SNRK: variants seen among roughly 807,000 people sequenced by gnomAD.
SNRK encodes SNF-related serine/threonine-protein kinase.
SNRK carries 3 observed loss-of-function variants against 48.2 expected under a neutral mutation model. The observed-to-expected ratio is 0.06, with a 90% CI of 0.03 to 0.16. SNRK has a LOEUF of 0.16. SNRK is among the 10% of genes least tolerant of loss of function. The pLI, the probability that SNRK is intolerant of heterozygous loss-of-function variation, is 1.00. For synonymous variants in SNRK, 376 were observed against 366.1 expected (o/e 1.03, Z -0.31); for missense variants, 627 against 976.0 (o/e 0.64, Z 4.76).
chr3:43,316,975 G>A (rs530796238), intron 3 of SNRK, among the ~76,000 whole-genome samples: 52 of 152,014 alleles, frequency 3.4e-4, no homozygotes, highest in African/African-American at 1.3e-3. Flanking sequence ...GTTTTCTAAG[G>A]GCTCTTAGTG....
intron 2 of SNRK, among the ~76,000 whole-genome samples, chr3:43,302,580 A>G (rs1055276214): frequency 6.6e-6 from 1 of 151,860 alleles, no homozygotes; most frequent in African/African-American, 2.4e-5. Flanking sequence ...TGCTCTGGGG[A>G]TATTGAGGAG....
chr3:43,312,336 A>G (rs2090984521), intron 3 of SNRK, among the ~76,000 whole-genome samples: 1 of 152,358 alleles, frequency 6.6e-6, no homozygotes, highest in Admixed American at 6.5e-5. Flanking sequence ...GCAGTTCAGC[A>G]TTTAATGGAA....
chr3:43,338,859 T>C (rs778286143), intron 4 of SNRK, among the ~76,000 whole-genome samples: 14 of 152,218 alleles, frequency 9.2e-5, no homozygotes. Flanking sequence ...ATTTATAGTA[T>C]AAAGTATCAT....
At chr3:43,326,738 T>A (rs1475160069) in intron 3 of SNRK, among the ~76,000 whole-genome samples, 3 of 151,996 alleles carry the variant, frequency 2.0e-5, no homozygotes, top group African/African-American at 7.2e-5. Flanking sequence ...CCAGGGTAGA[T>A]GGGGAGAAAT....
intron 2 of SNRK, among the ~76,000 whole-genome samples, chr3:43,301,173 T>C (rs2090895215): frequency 6.6e-6 from 1 of 152,244 alleles, no homozygotes; most frequent in Non-Finnish European, 1.5e-5. Flanking sequence ...AGTAAACATA[T>C]TAACATTGAC....
chr3:43,330,309 G>A (rs1371686834), intron 3 of SNRK, among the ~76,000 whole-genome samples: 1 of 152,084 alleles, frequency 6.6e-6, no homozygotes, highest in African/African-American at 2.4e-5. Context: ...AACTTGGTAG[G>A]TTTCCCTCCT....
intron 3 of SNRK, among the ~76,000 whole-genome samples, chr3:43,305,728 A>T (rs937053691): frequency 1.3e-5 from 2 of 151,308 alleles, no homozygotes; most frequent in African/African-American, 4.9e-5. Flanking sequence ...CTCGTGATCC[A>T]CCCGCCTCAG....
At chr3:43,314,638 A>G (rs1180663764) in intron 3 of SNRK, among the ~76,000 whole-genome samples, 2 of 152,192 alleles carry the variant, frequency 1.3e-5, no homozygotes, top group Non-Finnish European at 2.9e-5. Flanking sequence ...TTATAGCATT[A>G]AGTATAATGT....
Position 43,347,209 on chromosome 3 carries a change from GGTTT to G in SNRK, c.1080-128_1080-125del. ...GCTGATGTTTACAGGATGTTGAATG[GGTTT>G]GCAAGGCTGCTGCTTTTTTCTTTAA... On this transcript the variant is annotated intron_variant, in intron 6 of 6. Coordinates refer to ENST00000296088, the MANE Select transcript of SNRK (RefSeq NM_017719.5). This position sits in a 1 kb window ranked among gnomAD's most constrained non-coding sequence, Gnocchi z 5.4. 4 of 974,930 alleles carry G rather than the reference GGTTT, an allele frequency of 4.1e-6. No homozygotes were observed. In the Admixed American group the frequency reaches 1.1e-4, roughly 26 times the overall value. The allele number at this position is 974,930 out of a possible 1,614,324, so 60.4% of individuals were successfully genotyped here. A position where few individuals can be genotyped will look rare whatever the true frequency, so the allele number is the denominator to read the frequency against.
At chr3:43,301,240 A>G (rs1300814989) in intron 2 of SNRK, among the ~76,000 whole-genome samples, 3 of 152,206 alleles carry the variant, frequency 2.0e-5, no homozygotes, top group East Asian at 3.8e-4. Context: ...TAGGTATGCA[A>G]TTCAGATCAT....
At chr3:43,300,189 A>G (rs922974577) in intron 2 of SNRK, among the ~76,000 whole-genome samples, 2 of 152,166 alleles carry the variant, frequency 1.3e-5, no homozygotes, top group African/African-American at 4.8e-5. Flanking sequence ...GAAGATACCA[A>G]TTAGATTATT....
At chr3:43,334,484 C>G (rs1461779393) in intron 4 of SNRK, among the ~76,000 whole-genome samples, 2 of 151,654 alleles carry the variant, frequency 1.3e-5, no homozygotes, top group African/African-American at 4.8e-5. Context: ...ATTATTGGGA[C>G]TATTTAGGTT....
chr3:43,301,012 G>T (rs1207456885), intron 2 of SNRK, among the ~76,000 whole-genome samples: 2 of 152,246 alleles, frequency 1.3e-5, no homozygotes, highest in East Asian at 3.8e-4. Context: ...GCCTCAAAAG[G>T]GGGTTAATAA....
In SNRK at chr3:43,348,672, A is replaced by G. The variant is rs2091299314; in HGVS notation, c.*115A>G. On this transcript the variant is annotated 3_prime_UTR_variant, in exon 7 of 7. Transcript: ENST00000296088. ...AAGTGGGCGTTAGGAGCAATTATTTATTACCTTTCCATTTGTTCGCCTGAT... is the reference window on the plus strand; with the variant it reads ...AAGTGGGCGTTAGGAGCAATTATTTGTTACCTTTCCATTTGTTCGCCTGAT... The G allele has an allele frequency of 1.8e-6, 2 of 1,119,156 alleles. No homozygotes were observed. The highest frequency in any genetic ancestry group is 2.4e-6 in the Non-Finnish European group (2 of 847,368). 69.3% of individuals were successfully genotyped at this position (1,119,156 alleles called of 1,614,324 possible).
rs764166971 is a variant in SNRK, at chr3:43,303,426, A to G, written c.223A>G (p.Ile75Val). 4 of 1,614,198 alleles carry G rather than the reference A, an allele frequency of 2.5e-6. No homozygotes were observed. The highest frequency in any genetic ancestry group is 1.1e-5 in the South Asian group (1 of 91,084). ...RCMKLVQHPN[I>V]VRLYEVIDTQ... ...CATGAAACTAGTGCAGCATCCTAAC[A>G]TCGTCCGCCTTTATGAAGTTATTGA... The change falls in exon 3 of 7, where the codon ATC (isoleucine) becomes GTC (valine). Residue 75 changes from isoleucine to valine, a missense_variant. This residue lies in a region of SNRK where 147 missense variants were observed against 356.8 expected (regional missense o/e 0.41). Coordinates refer to ENST00000296088, the MANE Select transcript of SNRK (RefSeq NM_017719.5). The surrounding 1 kb of genome is among the most constrained non-coding windows in gnomAD (Gnocchi z 6.2).
At chr3:43,332,475 G>A (rs545448054) in intron 4 of SNRK, 165 bp downstream of exon 4, 23 of 407,284 alleles carry the variant, frequency 5.6e-5, no homozygotes, top group South Asian at 3.9e-4. Context: ...CAGAGTGTTC[G>A]GTCGGCGGGG....
chr3:43,321,661 GA>G (rs1263593976), intron 3 of SNRK, among the ~76,000 whole-genome samples: 9 of 152,208 alleles, frequency 5.9e-5, no homozygotes, highest in Admixed American at 2.6e-4. Flanking sequence ...ATAGCAGCAA[GA>G]TGAGAAAGAA....
At chr3:43,321,046 TC>T (rs1402066863) in intron 3 of SNRK, among the ~76,000 whole-genome samples, 2 of 152,042 alleles carry the variant, frequency 1.3e-5, no homozygotes, top group African/African-American at 4.8e-5. Flanking sequence ...AGTTTTGTAC[TC>T]AGTTATCAGT....
chr3:43,296,436 A>ATATATATATATATATATATG (rs1559458600), intron 1 of SNRK, among the ~76,000 whole-genome samples: 1 of 145,452 alleles, frequency 6.9e-6, no homozygotes, highest in African/African-American at 2.5e-5. Context: ...ATATATATGT[A>ATATATATATATATATATATG]TATATATATA....
Sources: gnomAD v4.1 joint callset for allele counts (sites outside exome capture counted in the v4.1 genomes callset) on GRCh38, gnomAD v4.1.1 for gene constraint, gnomAD v4.1.1 regional missense constraint, Gnocchi (gnomAD v3.1) non-coding constraint, MANE v1.5 for transcripts, NCBI Gene and HGNC (gene_info 2026-07-23, HGNC 2026-07-21) for gene names.